The following SPECC1 variants were observed in gnomAD, a reference collection of about 807,000 sequenced individuals.
The protein encoded by SPECC1 is sperm antigen with calponin homology and coiled-coil domains 1, also known as cytospin-B.
SPECC1 carries 62 observed loss-of-function variants against 104.1 expected under a neutral mutation model. The ratio of observed to expected loss-of-function variants is 0.60; its 90% CI spans 0.49 to 0.74. The LOEUF (loss-of-function observed/expected upper bound fraction) is 0.74, where lower values mean the gene tolerates loss of function less well. SPECC1 is among the 30% of genes least tolerant of loss of function. The pLI is 0.00. For synonymous variants in SPECC1, 513 were observed against 501.6 expected (o/e 1.02, Z -0.30); for missense variants, 1,306 against 1,310.5 (o/e 1.00, Z 0.05).
chr17:20,041,727 C>T (rs1415855937), intron 1 of SPECC1, among the ~76,000 whole-genome samples: 1 of 146,290 alleles, frequency 6.8e-6, no homozygotes, highest in Non-Finnish European at 1.5e-5. Context: ...AGGTTCATGC[C>T]ATTCTCCTGC....
At chr17:20,213,671 A>G (rs2037305241) in intron 4 of SPECC1, among the ~76,000 whole-genome samples, 1 of 152,048 alleles carries the variant, frequency 6.6e-6, no homozygotes, top group Admixed American at 6.5e-5. Context: ...GGGTGAGTTG[A>G]CCCCTGAGTG....
chr17:20,178,919 T>G (rs2034666092), intron 3 of SPECC1, among the ~76,000 whole-genome samples: 1 of 152,222 alleles, frequency 6.6e-6, no homozygotes, highest in African/African-American at 2.4e-5. Flanking sequence ...TGTCAACTTC[T>G]AGGCAGGAAG....
intron 3 of SPECC1, among the ~76,000 whole-genome samples, chr17:20,184,733 A>G (rs2035144110): frequency 6.6e-6 from 1 of 152,220 alleles, no homozygotes; most frequent in Non-Finnish European, 1.5e-5. Context: ...TATATAAGAG[A>G]GGGCCGGCTT....
intron 7 of SPECC1, among the ~76,000 whole-genome samples, chr17:20,243,848 A>G (rs932377002): frequency 6.6e-6 from 1 of 152,192 alleles, no homozygotes; most frequent in African/African-American, 2.4e-5. Flanking sequence ...TAAATTATCA[A>G]AGAATGAAAT....
intron 3 of SPECC1, among the ~76,000 whole-genome samples, chr17:20,114,864 TCTTTG>T (rs2048680166): frequency 6.6e-6 from 1 of 152,228 alleles, no homozygotes; most frequent in African/African-American, 2.4e-5. Flanking sequence ...TGAATTATTT[TCTTTG>T]CTTTATTATT....
chr17:20,283,087 G>A (rs942687272), intron 12 of SPECC1, among the ~76,000 whole-genome samples: 14 of 152,178 alleles, frequency 9.2e-5, no homozygotes, highest in African/African-American at 3.1e-4. Flanking sequence ...TGGAGGCTGA[G>A]GTGGGAGGAT....
chr17:20,139,676 T>A (rs2030509338), intron 3 of SPECC1, among the ~76,000 whole-genome samples: 1 of 152,194 alleles, frequency 6.6e-6, no homozygotes, highest in African/African-American at 2.4e-5. Context: ...CTTATTTATT[T>A]ATTTATTTAT....
chr17:20,217,078 G>T (rs536265454), intron 4 of SPECC1, among the ~76,000 whole-genome samples: 45 of 152,298 alleles, frequency 3.0e-4, no homozygotes, highest in African/African-American at 1.1e-3. Flanking sequence ...ATCCCCTGCA[G>T]TCGTGGAAGG....
chr17:20,231,953 C>G, intron 6 of SPECC1, 122 bp downstream of exon 6: 1 of 1,066,090 alleles, frequency 9.4e-7, no homozygotes, highest in Non-Finnish European at 1.4e-6. Flanking sequence ...GGCCCTGGAA[C>G]TGTAAATTCT....
chr17:20,317,259 A>ATTTTTTTTTTTTTTTTTTTGTTTTTTT lies in SPECC1; in HGVS notation c.*3213_*3214insGTTTTTTTTTTTTTTTTTTTTTTTTTT, dbSNP rs2042053133. The stretch of plus-strand genomic sequence containing the variant: ...GCAAGACCTCTGACTCTATAAAAAA[A>ATTTTTTTTTTTTTTTTTTTGTTTTTTT]TTTTTTTTTTTTTTTTTTTTTGAGA... On this transcript the variant is annotated 3_prime_UTR_variant, in exon 15 of 15. Transcript: ENST00000395527. 1 of 69,506 alleles carries ATTTTTTTTTTTTTTTTTTTGTTTTTTT rather than the reference A, an allele frequency of 1.4e-5. No individual in the cohort carries two copies. The highest frequency in any genetic ancestry group is 2.3e-5 in the Non-Finnish European group (1 of 42,610). 4.3% of individuals were successfully genotyped at this position (69,506 alleles called of 1,614,324 possible). A position where few individuals can be genotyped will look rare whatever the true frequency, so the allele number is the denominator to read the frequency against.
At chr17:20,106,682 CT>C (rs759689591) in intron 2 of SPECC1, among the ~76,000 whole-genome samples, 2 of 152,274 alleles carry the variant, frequency 1.3e-5, no homozygotes, top group South Asian at 2.1e-4. Flanking sequence ...TGAGATGTGA[CT>C]TTGCTCCTCC....
intron 1 of SPECC1, among the ~76,000 whole-genome samples, chr17:20,092,429 C>G (rs543420605): frequency 6.6e-6 from 1 of 152,220 alleles, no homozygotes; most frequent in Non-Finnish European, 1.5e-5. Flanking sequence ...GTTTATCTTT[C>G]AGCAGCCAGG....
At chr17:20,272,148 T>A (rs1440995339) in intron 12 of SPECC1, among the ~76,000 whole-genome samples, 1 of 152,186 alleles carries the variant, frequency 6.6e-6, no homozygotes. Flanking sequence ...ATTCATGACT[T>A]TATTTTCTGG....
chr17:20,204,199 T>C, intron 3 of SPECC1, 134 bp from the exon 4 acceptor site: 2 of 1,119,196 alleles, frequency 1.8e-6, no homozygotes, highest in Non-Finnish European at 2.5e-6. Context: ...AACTGGGTAA[T>C]TAGCTAGAGG....
At chr17:20,180,817 A>G (rs1042689007) in intron 3 of SPECC1, among the ~76,000 whole-genome samples, 1 of 152,244 alleles carries the variant, frequency 6.6e-6, no homozygotes, top group Non-Finnish European at 1.5e-5. Context: ...CAACAAATGT[A>G]TTGCATATGT....
At chr17:20,166,941 G>A (rs961106641) in intron 3 of SPECC1, among the ~76,000 whole-genome samples, 2 of 151,718 alleles carry the variant, frequency 1.3e-5, no homozygotes, top group African/African-American at 4.8e-5. Context: ...GACACCATCT[G>A]TACAAAAAAA....
At chr17:20,176,252 A>C (rs1477448022) in intron 3 of SPECC1, among the ~76,000 whole-genome samples, 1 of 152,010 alleles carries the variant, frequency 6.6e-6, no homozygotes, top group Admixed American at 6.5e-5. Context: ...TAAATGTTAA[A>C]TAAATTATCA....
intron 3 of SPECC1, among the ~76,000 whole-genome samples, chr17:20,196,504 A>G (rs923085426): frequency 1.3e-5 from 2 of 152,116 alleles, no homozygotes; most frequent in Non-Finnish European, 2.9e-5. Flanking sequence ...AGGAGGCCTA[A>G]CAACCTTTGA....
At chr17:20,175,737 C>T (rs914295898) in intron 3 of SPECC1, among the ~76,000 whole-genome samples, 5 of 152,188 alleles carry the variant, frequency 3.3e-5, no homozygotes, top group Non-Finnish European at 7.3e-5. Context: ...CTGTTCTGCT[C>T]CTGGAGATTA....
Sources: gnomAD v4.1 joint callset for allele counts (sites outside exome capture counted in the v4.1 genomes callset) on GRCh38, gnomAD v4.1.1 for gene constraint, MANE v1.5 for transcripts, NCBI Gene and HGNC (gene_info 2026-07-23, HGNC 2026-07-21) for gene names.